Variants in STXBP5 observed in about 807,000 individuals in gnomAD.
STXBP5 encodes syntaxin binding protein 5.
In STXBP5, 50 loss-of-function variants were observed where a neutral mutation model predicts 152.4. That is an observed-to-expected ratio of 0.33 (90% CI 0.26 to 0.42). STXBP5 has a LOEUF of 0.42. Among genes scored for constraint, STXBP5 ranks in the 10% least tolerant of loss-of-function variants. STXBP5 has a pLI of 1.00. For missense variants in STXBP5, 1,167 were observed against 1,388.6 expected, an observed-to-expected ratio of 0.84 and a Z score of 2.54; for synonymous variants, 492 against 494.7, an observed-to-expected ratio of 0.99 and a Z score of 0.07.
intron 4 of STXBP5, among the ~76,000 whole-genome samples, chr6:147,241,997 G>T (rs1778568817): frequency 6.6e-6 from 1 of 151,818 alleles, no homozygotes. Flanking sequence ...CCTCAGGCAG[G>T]TCCTTCAGGA....
chr6:147,274,763 T>C (rs1453738300), intron 7 of STXBP5, among the ~76,000 whole-genome samples: 1 of 152,092 alleles, frequency 6.6e-6, no homozygotes, highest in Non-Finnish European at 1.5e-5. Flanking sequence ...TTCTGAGGGC[T>C]TTGACAATAA....
chr6:147,263,490 T>C (rs7743335), intron 6 of STXBP5, among the ~76,000 whole-genome samples: 9,937 of 151,798 alleles, frequency 0.065, 433 homozygotes, highest in African/African-American at 0.12. Flanking sequence ...CTGTGCCTGG[T>C]TTAGACTGCC....
intron 2 of STXBP5, among the ~76,000 whole-genome samples, chr6:147,213,458 G>C (rs901368367): frequency 7.6e-5 from 11 of 144,580 alleles, no homozygotes; most frequent in Non-Finnish European, 1.6e-4. Flanking sequence ...GTGTGTGTGT[G>C]TGTGTGTGTG....
At chr6:147,215,444 T>C (rs1562413927) in intron 2 of STXBP5, among the ~76,000 whole-genome samples, 1 of 152,124 alleles carries the variant, frequency 6.6e-6, no homozygotes, top group Non-Finnish European at 1.5e-5. Context: ...ATAGTGGTGC[T>C]ATCTCGGCTC....
chr6:147,359,895 C>T (rs544386879), intron 23 of STXBP5, among the ~76,000 whole-genome samples: 1 of 152,024 alleles, frequency 6.6e-6, no homozygotes, highest in Non-Finnish European at 1.5e-5. Context: ...GCAACCTACT[C>T]ATCTGACAAA....
rs1186663450 is a variant in STXBP5 at position 147,388,889 on chromosome 6, CAG to C, written c.*4137_*4138del. On this transcript the variant is annotated 3_prime_UTR_variant, in exon 28 of 28. Transcript: ENST00000321680. The stretch of plus-strand genomic sequence containing the variant: ...AAAAATAAATTTCCAAAAATGAAAA[CAG>C]AGTTTATGTATTTTTGTCAATGAAG... The C allele has an allele frequency of 6.6e-6, 1 of 150,852 alleles. No homozygotes were observed. The highest frequency in any genetic ancestry group is 1.5e-5 in the Non-Finnish European group (1 of 67,436). The allele number at this position is 150,852 out of a possible 1,614,324, so 9.3% of individuals were successfully genotyped here.
Position 147,246,692 on chromosome 6 carries a change from TAA to T in STXBP5, c.431+7423_431+7424del, listed in dbSNP as rs1778825422. Reference sequence around the variant, plus strand: ...ATGCATCATTGTTTAGAGAATAACATAAGTGTGCTTTCATTCTAAAGTAATGA... The same window carrying T: ...ATGCATCATTGTTTAGAGAATAACATGTGTGCTTTCATTCTAAAGTAATGA... On this transcript the variant is annotated intron_variant, in intron 4 of 27. Coordinates refer to ENST00000321680, the MANE Select transcript of STXBP5 (RefSeq NM_001127715.4). 2.0e-5 allele frequency among the ~76,000 whole-genome samples: 3 copies of T among 152,288 alleles called. No individual in the cohort carries two copies. The South Asian group carries it at 6.2e-4, about 32-fold the overall frequency.
intron 4 of STXBP5, among the ~76,000 whole-genome samples, chr6:147,254,194 A>G (rs1457016731): frequency 2.0e-5 from 3 of 152,226 alleles, no homozygotes; most frequent in Non-Finnish European, 2.9e-5. Flanking sequence ...CAATGGGGAA[A>G]GGATTCTCTA....
intron 9 of STXBP5, among the ~76,000 whole-genome samples, chr6:147,305,864 G>T (rs745340477): frequency 4.6e-5 from 7 of 152,088 alleles, no homozygotes; most frequent in South Asian, 2.1e-4. Context: ...TAGTTATTAA[G>T]TGTTCCCTCT....
intron 25 of STXBP5, among the ~76,000 whole-genome samples, chr6:147,372,406 CCTTTTTTTTTTT>C (rs1230143718): frequency 2.6e-5 from 1 of 39,108 alleles, no homozygotes; most frequent in African/African-American, 8.4e-5. Context: ...CCGTCCTTTT[CCTTTTTTTTTTT>C]TTTTTTTTTT....
intron 9 of STXBP5, among the ~76,000 whole-genome samples, chr6:147,307,158 G>A (rs543021675): frequency 2.0e-5 from 3 of 152,144 alleles, no homozygotes; most frequent in East Asian, 1.9e-4. Flanking sequence ...GGCAGAAAGC[G>A]TGTTTACTCC....
intron 16 of STXBP5, 74 bp from the exon 17 acceptor site, chr6:147,324,885 T>G: frequency 1.6e-6 from 2 of 1,286,032 alleles, no homozygotes; most frequent in East Asian, 5.5e-5. Flanking sequence ...TCGTTTCATA[T>G]AAAAAGTTAT....
chr6:147,336,138 A>G (rs754664998), intron 19 of STXBP5, among the ~76,000 whole-genome samples: 26 of 151,818 alleles, frequency 1.7e-4, no homozygotes, highest in Non-Finnish European at 2.9e-4. Context: ...ATCAGGAAAT[A>G]CTGTTTTTTT....
In STXBP5 at chr6:147,253,223, A is replaced by G. The variant is rs184770347; in HGVS notation, c.432-7392A>G. Among the ~76,000 whole-genome samples, 63 of 152,342 alleles carry G rather than the reference A, an allele frequency of 4.1e-4. No individual in the cohort carries two copies. In the Middle Eastern group the frequency reaches 0.017, roughly 41 times the overall value. On this transcript the variant is annotated intron_variant, in intron 4 of 27. Coordinates refer to ENST00000321680, the MANE Select transcript of STXBP5 (RefSeq NM_001127715.4). ...TATGAAAAAAACCACGATTATCTCAATAGATGCAGAGAAGGCCTTCAACAA... is the reference window on the plus strand; with the variant it reads ...TATGAAAAAAACCACGATTATCTCAGTAGATGCAGAGAAGGCCTTCAACAA...
At chr6:147,223,198 G>C (rs752900665) in intron 2 of STXBP5, among the ~76,000 whole-genome samples, 1 of 152,210 alleles carries the variant, frequency 6.6e-6, no homozygotes, top group Non-Finnish European at 1.5e-5. Context: ...TCTTCAAAAA[G>C]AGGTTTTAAA....
chr6:147,353,092 C>T (rs975061413), intron 21 of STXBP5, among the ~76,000 whole-genome samples: 5 of 152,028 alleles, frequency 3.3e-5, no homozygotes, highest in African/African-American at 9.7e-5. Flanking sequence ...TGCAGTGAGC[C>T]TTGGTCACAC....
In STXBP5 at chr6:147,386,335, A is replaced by G. The variant is rs1037226026; in HGVS notation, c.*1580A>G. ...AACAGGATGGTTGTTTTTCTATTCTATATGATCATTAAAGGAATATGTAGG... is the reference window on the plus strand; with the variant it reads ...AACAGGATGGTTGTTTTTCTATTCTGTATGATCATTAAAGGAATATGTAGG... On this transcript the variant is annotated 3_prime_UTR_variant, in exon 28 of 28. Coordinates refer to ENST00000321680, the MANE Select transcript of STXBP5 (RefSeq NM_001127715.4). 2 of 151,902 alleles carry G rather than the reference A, an allele frequency of 1.3e-5. No individual in the cohort carries two copies. The highest frequency in any genetic ancestry group is 2.9e-5 in the Non-Finnish European group (2 of 67,848). The allele number at this position is 151,902 out of a possible 1,614,324, so 9.4% of individuals were successfully genotyped here.
rs190871369 is a variant in STXBP5, at chr6:147,224,029, G to A, written c.249-11221G>A. Among the ~76,000 whole-genome samples the A allele has an allele frequency of 7.0e-4, 107 of 152,322 alleles. 1 individual carries two copies. Among genetic ancestry groups the A allele is most frequent in the Admixed American group, 6.5e-4 (10 of 15,296 alleles). ...GAAAGGAACTGGAGTTCCAGGTCTT[G>A]AGTTATGGTGTTTTTCCTTCCTAGC... On this transcript the variant is annotated intron_variant, in intron 2 of 27. Transcript: ENST00000321680.
intron 9 of STXBP5, among the ~76,000 whole-genome samples, chr6:147,301,879 T>C (rs1026874647): frequency 2.0e-5 from 3 of 152,206 alleles, no homozygotes; most frequent in African/African-American, 7.2e-5. Context: ...TTCTCGTGAC[T>C]TCAGACCTGC....
Sources: allele counts gnomAD v4.1 joint callset (sites outside exome capture counted in the v4.1 genomes callset), GRCh38; gene constraint gnomAD v4.1.1; transcripts MANE v1.5; gene names NCBI Gene and HGNC (gene_info 2026-07-23, HGNC 2026-07-21).